CTNNA2: variants seen among roughly 807,000 people sequenced by gnomAD.
CTNNA2 encodes the protein catenin alpha-2.
A neutral mutation model predicts 101.0 loss-of-function variants in CTNNA2; 42 were observed. That is an observed-to-expected ratio of 0.42 (90% CI 0.32 to 0.54). CTNNA2 has a LOEUF of 0.54. Among genes scored for constraint, CTNNA2 ranks in the 20% least tolerant of loss-of-function variants. CTNNA2 has a pLI of 0.14. For synonymous variants in CTNNA2, 450 were observed against 456.4 expected (o/e 0.99, Z 0.18); for missense variants, 871 against 1,223.1 (o/e 0.71, Z 4.29).
intron 7 of CTNNA2, among the ~76,000 whole-genome samples, chr2:79,951,575 G>A (rs1405756113): frequency 6.6e-6 from 1 of 152,070 alleles, no homozygotes; most frequent in African/African-American, 2.4e-5. Flanking sequence ...GGAGGCAGGA[G>A]AATCACTTGA....
chr2:79,725,497 T>A (rs1322209404), intron 2 of CTNNA2, among the ~76,000 whole-genome samples: 2 of 152,236 alleles, frequency 1.3e-5, no homozygotes, highest in Non-Finnish European at 2.9e-5. Context: ...CACTGTTGAA[T>A]ATTCACTTAC....
chr2:80,228,109 T>G lies in CTNNA2; in HGVS notation c.1057-165102T>G, dbSNP rs76991181. Among the ~76,000 whole-genome samples the G allele has an allele frequency of 5.4e-3, 826 of 152,288 alleles. 7 individuals carry two copies. The highest frequency in any genetic ancestry group is 0.019 in the African/African-American group (789 of 41,558). On this transcript the variant is annotated intron_variant, in intron 7 of 18. Coordinates refer to ENST00000402739, the MANE Select transcript of CTNNA2 (RefSeq NM_001282597.3). The stretch of plus-strand genomic sequence containing the variant: ...CAAACTTGGACAAACTCTCCATGAG[T>G]GCACATGGTCAGGATCTGTGTTCAG...
intron 7 of CTNNA2, among the ~76,000 whole-genome samples, chr2:80,167,446 T>C (rs928710247): frequency 6.6e-6 from 1 of 152,216 alleles, no homozygotes; most frequent in African/African-American, 2.4e-5. Context: ...GCAGTAATGA[T>C]ATTTATGTTG....
intron 3 of CTNNA2, among the ~76,000 whole-genome samples, chr2:79,796,276 T>C (rs926501302): frequency 2.0e-5 from 3 of 151,076 alleles, no homozygotes; most frequent in Admixed American, 2.0e-4. Flanking sequence ...AACAGCTCTT[T>C]AAAAGTGGCC....
chr2:79,205,102 T>C (rs1674084761), intron 2 of CTNNA2, among the ~76,000 whole-genome samples: 1 of 152,362 alleles, frequency 6.6e-6, no homozygotes, highest in East Asian at 1.9e-4. Flanking sequence ...TGCTGAATTA[T>C]AAGGTGTTGG....
chr2:79,610,724 G>A (rs1421925078), intron 1 of CTNNA2, among the ~76,000 whole-genome samples: 1 of 152,134 alleles, frequency 6.6e-6, no homozygotes, highest in Admixed American at 6.6e-5. Flanking sequence ...GGAGAGAGGA[G>A]GGAGGGAGGA....
rs75820910 is a variant in CTNNA2 at position 79,185,855 on chromosome 2, G to A, written c.-524+424G>A. Among the ~76,000 whole-genome samples the A allele has an allele frequency of 1.7e-3, 253 of 152,270 alleles. 1 individual carries two copies. The highest frequency in any genetic ancestry group is 5.9e-3 in the African/African-American group (247 of 41,562). ...GGGAATGGAGGGTGAAATTGCCAAT[G>A]ACTGTTAGTGAAGGAAAAGGGAAGA... is the stretch of plus-strand genomic sequence containing the variant. On this transcript the variant is annotated intron_variant, in intron 1 of 21. Coordinates refer to the CTNNA2 transcript ENST00000466387.
At chr2:79,949,860 C>A (rs887054246) in intron 7 of CTNNA2, among the ~76,000 whole-genome samples, 1 of 152,258 alleles carries the variant, frequency 6.6e-6, no homozygotes, top group Non-Finnish European at 1.5e-5. Flanking sequence ...CTTTTCAATT[C>A]TTTTCCATAT....
chr2:79,818,848 T>TATATATATATATATATATA (rs70940046), intron 3 of CTNNA2, among the ~76,000 whole-genome samples: 5 of 135,400 alleles, frequency 3.7e-5, no homozygotes, highest in African/African-American at 1.1e-4. Flanking sequence ...TATATATATA[T>TATATATATATATATATATA]GGATGTATGT....
intron 7 of CTNNA2, among the ~76,000 whole-genome samples, chr2:80,000,278 C>T (rs1191249886): frequency 3.9e-5 from 6 of 152,198 alleles, no homozygotes; most frequent in East Asian, 1.9e-4. Context: ...TAGAGAGACA[C>T]GACTATAACA....
chr2:80,281,073 G>T (rs546072563), intron 7 of CTNNA2, among the ~76,000 whole-genome samples: 13 of 152,256 alleles, frequency 8.5e-5, no homozygotes, highest in African/African-American at 2.9e-4. Context: ...GCCATAAAAT[G>T]CTATTGGCTA....
chr2:79,894,311 C>T (rs1684542053), intron 6 of CTNNA2, among the ~76,000 whole-genome samples: 1 of 151,930 alleles, frequency 6.6e-6, no homozygotes, highest in South Asian at 2.1e-4. Context: ...GCAATAACTT[C>T]CTAACTGGTT....
chr2:80,422,560 A>G lies in CTNNA2; in HGVS notation c.1290+2959A>G, dbSNP rs550735154. ...AAATTTCAGTTCTTTCCCATTAATT[A>G]TATTGCTTGCTCTATGTTTCTTTCA... On this transcript the variant is annotated intron_variant, in intron 9 of 18. Coordinates refer to ENST00000402739, the MANE Select transcript of CTNNA2 (RefSeq NM_001282597.3). Among the ~76,000 whole-genome samples, 19 of 151,848 alleles carry G rather than the reference A, an allele frequency of 1.3e-4. No homozygotes were observed. The South Asian group carries it at 3.9e-3, about 32-fold the overall frequency.
intron 2 of CTNNA2, among the ~76,000 whole-genome samples, chr2:79,222,683 TTC>T (rs201358863): frequency 2.3e-4 from 35 of 150,444 alleles, no homozygotes; most frequent in Non-Finnish European, 2.5e-4. Context: ...TCTTCCTTTA[TTC>T]TCTCTCTCTC....
intron 2 of CTNNA2, among the ~76,000 whole-genome samples, chr2:79,743,843 C>A (rs1671464459): frequency 6.6e-6 from 1 of 152,066 alleles, no homozygotes; most frequent in South Asian, 2.1e-4. Context: ...AGAAATTTAC[C>A]ATTTTATTTG....
At chr2:79,248,383 G>GAATATATTATATTCTATA (rs1674724761) in intron 2 of CTNNA2, among the ~76,000 whole-genome samples, 1 of 150,798 alleles carries the variant, frequency 6.6e-6, no homozygotes, top group Admixed American at 6.6e-5. Context: ...TATCAAAAAA[G>GAATATATTATATTCTATA]TATAATTTCT....
At chr2:80,244,288 A>T (rs893124019) in intron 7 of CTNNA2, among the ~76,000 whole-genome samples, 1 of 152,246 alleles carries the variant, frequency 6.6e-6, no homozygotes, top group African/African-American at 2.4e-5. Context: ...ATTGACTAAC[A>T]TGTGATGTTC....
chr2:79,476,573 G>A (rs1240281801), intron 4 of CTNNA2, among the ~76,000 whole-genome samples: 1 of 152,122 alleles, frequency 6.6e-6, no homozygotes, highest in Non-Finnish European at 1.5e-5. Flanking sequence ...CTGGTATATG[G>A]AGGTCTCATC....
chr2:80,138,371 C>T (rs1452665725), intron 7 of CTNNA2, among the ~76,000 whole-genome samples: 2 of 152,206 alleles, frequency 1.3e-5, no homozygotes, highest in Non-Finnish European at 2.9e-5. Context: ...CATAGCCTAT[C>T]TATGCCTTGG....
Sources: allele counts gnomAD v4.1 joint callset (sites outside exome capture counted in the v4.1 genomes callset), GRCh38; gene constraint gnomAD v4.1.1; transcripts MANE v1.5; gene names NCBI Gene and HGNC (gene_info 2026-07-23, HGNC 2026-07-21).